CACNA1B: variants seen among roughly 807,000 people sequenced by gnomAD.
CACNA1B encodes the protein calcium voltage-gated channel subunit alpha1 B.
A neutral mutation model predicts 247.2 loss-of-function variants in CACNA1B; 70 were observed. That is an observed-to-expected ratio of 0.28 (90% CI 0.23 to 0.35). CACNA1B has a LOEUF of 0.35. Ranked by LOEUF, CACNA1B falls within the 10% of genes least tolerant of loss-of-function variation. The probability of loss-of-function intolerance (pLI) is 1.00; values close to 1 mark genes in which losing one functional copy is unlikely to be tolerated. For synonymous variants in CACNA1B, 1,231 were observed against 1,294.4 expected (o/e 0.95, Z 1.05); for missense variants, 2,367 against 3,197.4 (o/e 0.74, Z 6.26).
intron 15 of CACNA1B, among the ~76,000 whole-genome samples, chr9:138,000,669 G>A (rs952497997): frequency 2.0e-5 from 3 of 152,176 alleles, no homozygotes; most frequent in African/African-American, 7.2e-5. Flanking sequence ...CCAAAGCCAT[G>A]CAAGGACAAT....
intron 16 of CACNA1B, among the ~76,000 whole-genome samples, chr9:138,009,010 CCTGA>C (rs1169215925): frequency 6.6e-6 from 1 of 152,200 alleles, no homozygotes; most frequent in Non-Finnish European, 1.5e-5. Flanking sequence ...CAGTCGGGGT[CCTGA>C]CTATGTTTGT....
intron 3 of CACNA1B, among the ~76,000 whole-genome samples, chr9:137,902,395 G>A (rs977844465): frequency 6.6e-6 from 1 of 152,150 alleles, no homozygotes; most frequent in Non-Finnish European, 1.5e-5. Flanking sequence ...TTGCTTTTCA[G>A]TAGGATTTTT....
Position 138,046,959 on chromosome 9 carries a change from C to A in CACNA1B, c.3469C>A (p.Leu1157Ile). The A allele has an allele frequency of 6.2e-7, 1 of 1,613,658 alleles. No homozygotes were observed. Among genetic ancestry groups the A allele is most frequent in the Non-Finnish European group, 8.5e-7 (1 of 1,179,568 alleles). ...CATGAGGTACTTCGAGGTGGTCATTCTCGTGGTCATCGCCTTGAGCAGCAT... is the reference window on the plus strand; with the variant it reads ...CATGAGGTACTTCGAGGTGGTCATTATCGTGGTCATCGCCTTGAGCAGCAT... ...VTMRYFEVVI[L>I]VVIALSSIAL... The change falls in exon 22 of 47, where the codon CTC becomes ATC. Residue 1157 changes from leucine to isoleucine, a missense_variant. Transcript: ENST00000371372.
chr9:137,992,745 C>T (rs1012924523), intron 15 of CACNA1B, among the ~76,000 whole-genome samples: 2 of 150,368 alleles, frequency 1.3e-5, no homozygotes, highest in South Asian at 2.1e-4. Context: ...TGCAGTGAGC[C>T]GAGATCCGGC....
At chr9:138,107,638 C>T (rs369377263) in intron 39 of CACNA1B, among the ~76,000 whole-genome samples, 1 of 152,052 alleles carries the variant, frequency 6.6e-6, no homozygotes, top group Non-Finnish European at 1.5e-5. Context: ...CCACTTCTGC[C>T]CTTGGCCCCT....
chr9:137,959,604 A>G (rs1428662257), intron 10 of CACNA1B, among the ~76,000 whole-genome samples: 1 of 150,776 alleles, frequency 6.6e-6, no homozygotes, highest in Non-Finnish European at 1.5e-5. Flanking sequence ...AAGGATTTGG[A>G]CCAGTGTTGT....
At chr9:138,003,379 C>T (rs1166060880) in intron 15 of CACNA1B, among the ~76,000 whole-genome samples, 2 of 150,806 alleles carry the variant, frequency 1.3e-5, no homozygotes, top group African/African-American at 2.4e-5. Context: ...CACTATGTTG[C>T]CCAGGCTGGT....
At chr9:137,985,954 C>A (rs1024773281) in intron 13 of CACNA1B, among the ~76,000 whole-genome samples, 1 of 152,234 alleles carries the variant, frequency 6.6e-6, no homozygotes, top group Non-Finnish European at 1.5e-5. Flanking sequence ...CCGGCCACAG[C>A]GCTTGCAGAT....
chr9:138,119,761 G>A (rs1004071717), intron 44 of CACNA1B, among the ~76,000 whole-genome samples: 8 of 152,158 alleles, frequency 5.3e-5, no homozygotes, highest in African/African-American at 1.9e-4. Context: ...GGCGGCTGTG[G>A]GTGAGTTTAC....
intron 8 of CACNA1B, among the ~76,000 whole-genome samples, chr9:137,956,096 C>T (rs978154449): frequency 2.6e-5 from 4 of 152,168 alleles, no homozygotes; most frequent in Non-Finnish European, 5.9e-5. Flanking sequence ...CCTTCTGTGC[C>T]CTGACTCTGG....
chr9:137,932,254 C>T (rs1957616277), intron 6 of CACNA1B, among the ~76,000 whole-genome samples: 1 of 152,116 alleles, frequency 6.6e-6, no homozygotes, highest in African/African-American at 2.4e-5. Context: ...TGCTGTTCTT[C>T]CTAACCCAAC....
chr9:138,077,226 C>T (rs1001996288), intron 35 of CACNA1B, among the ~76,000 whole-genome samples: 1 of 152,180 alleles, frequency 6.6e-6, no homozygotes, highest in Non-Finnish European at 1.5e-5. Flanking sequence ...TGGGGCTGCG[C>T]ACACAGACAC....
At chr9:138,075,498 G>A (rs964256652) in intron 34 of CACNA1B, among the ~76,000 whole-genome samples, 1 of 152,264 alleles carries the variant, frequency 6.6e-6, no homozygotes, top group African/African-American at 2.4e-5. Context: ...TGGAGTCGCT[G>A]ATGATCCCAC....
In CACNA1B at chr9:138,071,414, A is replaced by C. The variant is rs542341168; in HGVS notation, c.4674+1651A>C. ...TGGCGGAGGCCAGAGGTGATGGTGC[A>C]GGTGCACGGCGTGGCGCTGCGTGTG... On this transcript the variant is annotated intron_variant, in intron 32 of 46. Coordinates refer to ENST00000371372, the MANE Select transcript of CACNA1B (RefSeq NM_000718.4). Among the ~76,000 whole-genome samples the C allele has an allele frequency of 3.3e-5, 5 of 152,336 alleles. No homozygotes were observed. The East Asian group carries it at 9.7e-4, about 29-fold the overall frequency.
Position 137,913,062 on chromosome 9 carries a change from A to G in CACNA1B, c.531-118A>G. 2 of 749,022 alleles carry G rather than the reference A, an allele frequency of 2.7e-6. No homozygotes were observed. The highest frequency in any genetic ancestry group is 4.6e-6 in the Non-Finnish European group (2 of 439,042). The allele number at this position is 749,022 out of a possible 1,614,324, so 46.4% of individuals were successfully genotyped here. On this transcript the variant is annotated intron_variant, in intron 3 of 46. Transcript: ENST00000371372. This position sits in a 1 kb window ranked among gnomAD's most constrained non-coding sequence, Gnocchi z 5.2. ...GGCCCTGTGGTTGGACAGTGGGGAC[A>G]CAGGAATGAAGGTGTCACTGCTCTT...
chr9:138,000,317 C>T (rs1015654681), intron 15 of CACNA1B, among the ~76,000 whole-genome samples: 1 of 152,104 alleles, frequency 6.6e-6, no homozygotes, highest in East Asian at 1.9e-4. Flanking sequence ...CCAGGATGGT[C>T]TCGATCTCCT....
chr9:138,063,371 G>A lies in CACNA1B; in HGVS notation c.4668+3634G>A, dbSNP rs551330392. Among the ~76,000 whole-genome samples, 4 of 152,336 alleles carry A rather than the reference G, an allele frequency of 2.6e-5. No individual in the cohort carries two copies. The East Asian group carries it at 7.7e-4, about 29-fold the overall frequency. ...TAGCCAGGCATAGTGGCACACGCCC[G>A]TAGTCCCAGCTACCCAGGAGGCTGA... On this transcript the variant is annotated intron_variant, in intron 31 of 46. Transcript: ENST00000371372.
rs544750332 is a variant in CACNA1B at position 137,973,353 on chromosome 9, A to G, written c.1543+1761A>G. ...GCTCAGTAGGTAGGACAGGCTTGCC[A>G]GAGGCGAGGGGGTGTGGCCGCCCAG... On this transcript the variant is annotated intron_variant, in intron 11 of 46. Coordinates refer to ENST00000371372, the MANE Select transcript of CACNA1B (RefSeq NM_000718.4). The surrounding 1 kb of genome is among the most constrained non-coding windows in gnomAD (Gnocchi z 4.1). Among the ~76,000 whole-genome samples the G allele has an allele frequency of 1.2e-3, 179 of 152,334 alleles. No individual in the cohort carries two copies. The highest frequency in any genetic ancestry group is 6.8e-3 in the Middle Eastern group (2 of 294).
At chr9:138,062,925 CG>C (rs1248472654) in intron 31 of CACNA1B, among the ~76,000 whole-genome samples, 1 of 152,246 alleles carries the variant, frequency 6.6e-6, no homozygotes, top group Admixed American at 6.5e-5. Context: ...GCAGCCTACC[CG>C]CAGTAGAAGT....
Sources: allele counts gnomAD v4.1 joint callset (sites outside exome capture counted in the v4.1 genomes callset), GRCh38; gene constraint gnomAD v4.1.1; non-coding constraint Gnocchi (gnomAD v3.1); transcripts MANE v1.5; gene names NCBI Gene and HGNC (gene_info 2026-07-23, HGNC 2026-07-21).